RBM6: variants seen among roughly 807,000 people sequenced by gnomAD.
RBM6 encodes RNA binding motif protein 6.
A neutral mutation model predicts 140.4 loss-of-function variants in RBM6; 23 were observed. That is an observed-to-expected ratio of 0.16 (90% CI 0.12 to 0.23). The LOEUF is 0.23. Ranked by LOEUF, RBM6 falls within the 10% of genes least tolerant of loss-of-function variation. The pLI is 1.00. For missense variants in RBM6, 1,139 were observed against 1,386.7 expected, an observed-to-expected ratio of 0.82 and a Z score of 2.84; for synonymous variants, 439 against 475.6, an observed-to-expected ratio of 0.92 and a Z score of 1.00.
chr3:50,011,489 C>T (rs952489663), intron 6 of RBM6, among the ~76,000 whole-genome samples: 4 of 152,154 alleles, frequency 2.6e-5, no homozygotes, highest in African/African-American at 9.7e-5. Context: ...TTCCTGTAAT[C>T]GGATGGTTTG....
intron 5 of RBM6, among the ~76,000 whole-genome samples, chr3:49,991,021 G>T (rs770957977): frequency 1.4e-4 from 21 of 152,256 alleles, no homozygotes; most frequent in Non-Finnish European, 2.5e-4. Flanking sequence ...TCAGTTATCA[G>T]GTCCCAAGGT....
rs373463342 is a variant in RBM6 at position 50,058,389 on chromosome 3, A to C, written c.1970-13A>C. 6.2e-7 allele frequency: 1 copy of C among 1,601,318 alleles called. No individual in the cohort carries two copies. Among genetic ancestry groups the C allele is most frequent in the Non-Finnish European group, 8.6e-7 (1 of 1,168,584 alleles). Reference sequence around the variant, plus strand: ...CCCTTGTGTTGCCCTTCTCCCATTTATGGTTGATTCAGCTATCATGCTAAA... The same window carrying C: ...CCCTTGTGTTGCCCTTCTCCCATTTCTGGTTGATTCAGCTATCATGCTAAA... On this transcript the variant is annotated splice_polypyrimidine_tract_variant and intron_variant, in intron 9 of 20. Transcript: ENST00000266022.
chr3:49,983,401 A>T (rs1319433736), intron 5 of RBM6, among the ~76,000 whole-genome samples: 1 of 152,010 alleles, frequency 6.6e-6, no homozygotes, highest in African/African-American at 2.4e-5. Flanking sequence ...CCGAGACATG[A>T]GCTCAGGAGT....
chr3:49,994,943 A>C (rs555710826), intron 5 of RBM6, among the ~76,000 whole-genome samples: 1 of 152,284 alleles, frequency 6.6e-6, no homozygotes, highest in South Asian at 2.1e-4. Context: ...TTACCTAAAC[A>C]AATATTCCTT....
chr3:49,970,855 C>T (rs1473335228), intron 3 of RBM6, among the ~76,000 whole-genome samples: 1 of 151,992 alleles, frequency 6.6e-6, no homozygotes, highest in African/African-American at 2.4e-5. Context: ...TAAGGCCAGG[C>T]ACAGTGGCTC....
At chr3:50,002,462 A>G (rs992093475) in intron 6 of RBM6, among the ~76,000 whole-genome samples, 4 of 152,056 alleles carry the variant, frequency 2.6e-5, no homozygotes, top group East Asian at 1.9e-4. Flanking sequence ...GGGTTTCACC[A>G]TGTTTGCCAG....
rs1221795878 is a variant in RBM6, at chr3:50,061,336, CAG to C, written c.2354-119_2354-118del. 10 of 1,586,688 alleles carry C rather than the reference CAG, an allele frequency of 6.3e-6. No homozygotes were observed. In the African/African-American group the frequency reaches 9.5e-5, roughly 15 times the overall value. On this transcript the variant is annotated intron_variant, in intron 13 of 20. Transcript: ENST00000266022. ...ACACTGTTGACTGAGGGTGCTCATCCAGAGAGAGGCATCTGTAGATGCACCTA... is the reference window on the plus strand; with the variant it reads ...ACACTGTTGACTGAGGGTGCTCATCCAGAGAGGCATCTGTAGATGCACCTA...
intron 3 of RBM6, among the ~76,000 whole-genome samples, chr3:49,971,324 A>T (rs1219425196): frequency 6.7e-6 from 1 of 150,178 alleles, no homozygotes; most frequent in Non-Finnish European, 1.5e-5. Context: ...GGGCGCCTGT[A>T]ATCCCAACTA....
intron 6 of RBM6, among the ~76,000 whole-genome samples, chr3:50,019,680 C>T (rs533669470): frequency 7.8e-4 from 118 of 152,210 alleles, no homozygotes; most frequent in African/African-American, 2.7e-3. Flanking sequence ...AGAATACATC[C>T]TTGTCTTGTT....
rs1322636202 is a variant in RBM6 at position 49,949,351 on chromosome 3, A to AT, written c.-67+9128dup. On this transcript the variant is annotated intron_variant, in intron 1 of 20. Coordinates refer to ENST00000266022, the MANE Select transcript of RBM6 (RefSeq NM_005777.3). ...TTCATTTGAAACTTAACGGAAGTAC[A>AT]TTCTCCCAGAGAGGAAAATCCTTCA... Among the ~76,000 whole-genome samples, 3 of 151,820 alleles carry AT rather than the reference A, an allele frequency of 2.0e-5. No individual in the cohort carries two copies. The East Asian group carries it at 5.8e-4, about 30-fold the overall frequency.
intron 18 of RBM6, among the ~76,000 whole-genome samples, chr3:50,070,192 T>G (rs993328585): frequency 3.3e-5 from 5 of 151,950 alleles, no homozygotes; most frequent in African/African-American, 4.8e-5. Flanking sequence ...CCGTCTCTAC[T>G]AAAAATAGAA....
chr3:49,964,683 A>C (rs1456071508), intron 2 of RBM6, among the ~76,000 whole-genome samples: 1 of 152,206 alleles, frequency 6.6e-6, no homozygotes, highest in Non-Finnish European at 1.5e-5. Context: ...TTACCATTTA[A>C]AAATATTTAG....
intron 5 of RBM6, among the ~76,000 whole-genome samples, chr3:49,982,266 T>TC (rs1229950331): frequency 2.6e-4 from 33 of 126,514 alleles, no homozygotes; most frequent in East Asian, 6.5e-4. Context: ...TCTTTTCTTT[T>TC]TTTTTTTTTT....
At chr3:50,045,831 GGTACTGTT>G (rs1421813423) in intron 6 of RBM6, among the ~76,000 whole-genome samples, 3 of 152,088 alleles carry the variant, frequency 2.0e-5, no homozygotes, top group African/African-American at 7.2e-5. Flanking sequence ...CTAAGAAATA[GGTACTGTT>G]GTCCTTACTT....
At chr3:50,003,382 G>A (rs1241432968) in intron 6 of RBM6, among the ~76,000 whole-genome samples, 1 of 151,432 alleles carries the variant, frequency 6.6e-6, no homozygotes, top group Admixed American at 6.6e-5. Context: ...AAATTGGTAT[G>A]GATTCTGAGT....
intron 20 of RBM6, among the ~76,000 whole-genome samples, chr3:50,076,054 C>A (rs1233095731): frequency 6.6e-6 from 1 of 151,734 alleles, no homozygotes; most frequent in Non-Finnish European, 1.5e-5. Context: ...CTGCAACCTC[C>A]TCCTCCCAGG....
intron 5 of RBM6, among the ~76,000 whole-genome samples, chr3:49,993,613 G>A (rs1331753759): frequency 6.6e-6 from 1 of 151,920 alleles, no homozygotes; most frequent in Non-Finnish European, 1.5e-5. Flanking sequence ...CTGCACTCCA[G>A]CCTGGGTGAC....
intron 3 of RBM6, among the ~76,000 whole-genome samples, chr3:49,969,009 T>C (rs1489966763): frequency 6.7e-6 from 1 of 148,490 alleles, no homozygotes; most frequent in Non-Finnish European, 1.5e-5. Flanking sequence ...TTGTGAAGGA[T>C]GACATTTATT....
intron 6 of RBM6, among the ~76,000 whole-genome samples, chr3:50,042,755 A>T (rs889082736): frequency 4.8e-4 from 72 of 150,718 alleles, no homozygotes; most frequent in Non-Finnish European, 5.8e-4. Context: ...CTTTTTTTTA[A>T]AAAAAAAAGA....
Sources: gnomAD v4.1 joint callset for allele counts (sites outside exome capture counted in the v4.1 genomes callset) on GRCh38, gnomAD v4.1.1 for gene constraint, MANE v1.5 for transcripts, NCBI Gene and HGNC (gene_info 2026-07-23, HGNC 2026-07-21) for gene names.